The following FAIM2 variants were observed in gnomAD, a reference collection of about 807,000 sequenced individuals.
FAIM2 encodes the protein protein lifeguard 2.
FAIM2 carries 27 observed loss-of-function variants against 47.4 expected under a neutral mutation model. That is an observed-to-expected ratio of 0.57 (90% CI 0.42 to 0.78). The LOEUF is 0.78. Ranked by LOEUF, FAIM2 falls within the 30% of genes least tolerant of loss-of-function variation. FAIM2 has a pLI of 0.00. For missense variants in FAIM2, 311 were observed against 389.4 expected, an observed-to-expected ratio of 0.80 and a Z score of 1.69; for synonymous variants, 156 against 159.3, an observed-to-expected ratio of 0.98 and a Z score of 0.16.
Position 49,870,045 on chromosome 12 carries a change from A to G in FAIM2, c.*459T>C, listed in dbSNP as rs892319474. Reference sequence around the variant, plus strand: ...CTACCCCCTTTCTTACAAAGTGTCAATGCCTGACCTGGATGAGAAAGACAG... The same window carrying G: ...CTACCCCCTTTCTTACAAAGTGTCAGTGCCTGACCTGGATGAGAAAGACAG... On this transcript the variant is annotated 3_prime_UTR_variant, in exon 12 of 12. Coordinates refer to ENST00000320634, the MANE Select transcript of FAIM2 (RefSeq NM_012306.4). 2 of 154,262 alleles carry G rather than the reference A, an allele frequency of 1.3e-5. No individual in the cohort carries two copies. Among genetic ancestry groups the G allele is most frequent in the Non-Finnish European group, 2.9e-5 (2 of 69,480 alleles). 9.6% of individuals were successfully genotyped at this position (154,262 alleles called of 1,614,324 possible). A position where few individuals can be genotyped will look rare whatever the true frequency, so the allele number is the denominator to read the frequency against.
chr12:49,878,201 T>C (rs1946755809), intron 11 of FAIM2, among the ~76,000 whole-genome samples: 1 of 136,518 alleles, frequency 7.3e-6, no homozygotes, highest in Non-Finnish European at 1.6e-5. Flanking sequence ...TGCATATGTG[T>C]ATGTATGTGC....
intron 3 of FAIM2, 32 bp from the exon 4 acceptor site, chr12:49,897,615 G>A (rs1357362250): frequency 6.3e-7 from 1 of 1,581,274 alleles, no homozygotes; most frequent in East Asian, 2.2e-5. Context: ...CTCAGCTTGG[G>A]GGGCCCTGTT....
At chr12:49,884,343 T>C (rs1412748764) in intron 11 of FAIM2, among the ~76,000 whole-genome samples, 2 of 151,968 alleles carry the variant, frequency 1.3e-5, no homozygotes, top group Non-Finnish European at 2.9e-5. Flanking sequence ...GTGGAGGTTC[T>C]CTTAAAAGGA....
chr12:49,879,316 GTA>G (rs1946780531), intron 11 of FAIM2, among the ~76,000 whole-genome samples: 1 of 74,882 alleles, frequency 1.3e-5, no homozygotes. Context: ...ATGTGCATGT[GTA>G]TATGTGCGTG....
chr12:49,887,563 GC>G, intron 10 of FAIM2, 124 bp from the exon 11 acceptor site: 1 of 815,044 alleles, frequency 1.2e-6, no homozygotes, highest in Non-Finnish European at 2.0e-6. Context: ...TCCCTAAGGA[GC>G]CCCAGGACTG....
chr12:49,897,154 G>A (rs1946943598), intron 4 of FAIM2, 70 bp from the exon 5 acceptor site: 1 of 1,245,890 alleles, frequency 8.0e-7, no homozygotes, highest in Non-Finnish European at 1.2e-6. Context: ...TTCAGCATCT[G>A]CATCTGTCCC....
chr12:49,886,364 C>T (rs1209362821), intron 11 of FAIM2, among the ~76,000 whole-genome samples: 1 of 152,244 alleles, frequency 6.6e-6, no homozygotes, highest in Non-Finnish European at 1.5e-5. Context: ...GGGGGACACA[C>T]ATCAGACTGT....
chr12:49,890,291 C>T, intron 7 of FAIM2, 137 bp from the exon 8 acceptor site: 1 of 760,472 alleles, frequency 1.3e-6, no homozygotes. Flanking sequence ...CACACACTGA[C>T]TTTCGGGAGT....
chr12:49,879,361 T>C (rs538719404), intron 11 of FAIM2, among the ~76,000 whole-genome samples: 52 of 151,420 alleles, frequency 3.4e-4, no homozygotes, highest in Non-Finnish European at 6.0e-4. Flanking sequence ...TGAGTGCATG[T>C]GTGTGCATGT....
chr12:49,880,623 CAT>C (rs530978322), intron 11 of FAIM2, among the ~76,000 whole-genome samples: 223 of 61,434 alleles, frequency 3.6e-3, no homozygotes, highest in Non-Finnish European at 5.3e-3. Context: ...AGTGTATGTG[CAT>C]GTGTGTATAT....
At chr12:49,902,808 G>C (rs1028338967) in intron 1 of FAIM2, 1 of 152,078 alleles carries the variant, frequency 6.6e-6, no homozygotes, top group African/African-American at 2.4e-5. Context: ...CTAATGCCCA[G>C]GCCCCCGACA....
chr12:49,882,494 G>T (rs1946832875), intron 11 of FAIM2, among the ~76,000 whole-genome samples: 1 of 152,176 alleles, frequency 6.6e-6, no homozygotes, highest in African/African-American at 2.4e-5. Flanking sequence ...GGCCCCAGGG[G>T]AGCTGCAGAT....
At chr12:49,880,458 A>ATG (rs144354032) in intron 11 of FAIM2, among the ~76,000 whole-genome samples, 107,232 of 146,972 alleles carry the variant, frequency 0.73, 39,239 homozygotes, top group African/African-American at 0.82. Flanking sequence ...GTGCATGTGT[A>ATG]TGTGTGTGTG....
intron 5 of FAIM2, among the ~76,000 whole-genome samples, chr12:49,895,625 C>T (rs1946930911): frequency 6.6e-6 from 1 of 152,218 alleles, no homozygotes; most frequent in Non-Finnish European, 1.5e-5. Flanking sequence ...TGCCTCCCTG[C>T]CTGCCTGCAG....
At chr12:49,889,338 C>T in intron 9 of FAIM2, 136 bp from the exon 10 acceptor site, 1 of 954,468 alleles carries the variant, frequency 1.0e-6, no homozygotes. Context: ...TCCTCCCCCT[C>T]ATCAGGTGGC....
At chr12:49,892,704 C>T (rs1946908746) in intron 5 of FAIM2, among the ~76,000 whole-genome samples, 1 of 152,190 alleles carries the variant, frequency 6.6e-6, no homozygotes, top group Non-Finnish European at 1.5e-5. Context: ...GCTCTTCCCC[C>T]ACGTTCTCCC....
At chr12:49,900,729 C>CA (rs1203885234) in intron 2 of FAIM2, among the ~76,000 whole-genome samples, 1 of 152,164 alleles carries the variant, frequency 6.6e-6, no homozygotes, top group Non-Finnish European at 1.5e-5. Flanking sequence ...ACTGCACCCC[C>CA]ACTCACAGGG....
rs1946720742 is a variant in FAIM2 at position 49,874,181 on chromosome 12, G to A, written c.802-3528C>T. Among the ~76,000 whole-genome samples the A allele has an allele frequency of 6.6e-6, 1 of 152,220 alleles. No homozygotes were observed. Among genetic ancestry groups the A allele is most frequent in the African/African-American group, 2.4e-5 (1 of 41,454 alleles). ...ACTTGAGTTAGTGTTCAGCTGAACA[G>A]GAGACTCTGCAGGAGGAGCACATGG... On this transcript the variant is annotated intron_variant, in intron 11 of 11. Coordinates refer to ENST00000320634, the MANE Select transcript of FAIM2 (RefSeq NM_012306.4). The surrounding 1 kb of genome is among the most constrained non-coding windows in gnomAD (Gnocchi z 4.2).
chr12:49,888,643 G>A (rs1397301559), intron 10 of FAIM2, among the ~76,000 whole-genome samples: 8 of 152,146 alleles, frequency 5.3e-5, no homozygotes, highest in Non-Finnish European at 1.5e-5. Flanking sequence ...CTAAGGATGT[G>A]GGTATACTCC....
Sources: gnomAD v4.1 joint callset for allele counts (sites outside exome capture counted in the v4.1 genomes callset) on GRCh38, gnomAD v4.1.1 for gene constraint, Gnocchi (gnomAD v3.1) non-coding constraint, MANE v1.5 for transcripts, NCBI Gene and HGNC (gene_info 2026-07-23, HGNC 2026-07-21) for gene names.